DHRS4L2: variants seen among roughly 807,000 people sequenced by gnomAD.
DHRS4L2 encodes dehydrogenase/reductase 4 like 2.
A neutral mutation model predicts 23.9 loss-of-function variants in DHRS4L2; 22 were observed. That is an observed-to-expected ratio of 0.92 (90% CI 0.66 to 1.31). The LOEUF (loss-of-function observed/expected upper bound fraction) is 1.31. Among genes scored for constraint, DHRS4L2 ranks in the 40% most tolerant of loss-of-function variants. The pLI, the probability that DHRS4L2 is intolerant of heterozygous loss-of-function variation, is 0.00. For synonymous variants in DHRS4L2, 141 were observed against 123.7 expected (o/e 1.14, Z -0.93); for missense variants, 385 against 303.3 (o/e 1.27, Z -2.00).
At chr14:23,985,088 C>A (rs1383312973), upstream of DHRS4L2, among the ~76,000 whole-genome samples, 1 of 151,406 alleles carries the variant, frequency 6.6e-6, no homozygotes, top group African/African-American at 2.4e-5. Context: ...CAGTAGATAA[C>A]CTCAAGGAGC....
chr14:23,984,466 G>T (rs2034105383), upstream of DHRS4L2, among the ~76,000 whole-genome samples: 1 of 151,544 alleles, frequency 6.6e-6, no homozygotes, highest in Non-Finnish European at 1.5e-5. Flanking sequence ...GACAGTGGTT[G>T]AGGTTGTCAT....
At chr14:23,991,633 A>G (rs2034271548) in intron 2 of DHRS4L2, among the ~76,000 whole-genome samples, 1 of 151,620 alleles carries the variant, frequency 6.6e-6, no homozygotes, top group African/African-American at 2.4e-5. Flanking sequence ...GAGGAACTGA[A>G]GGAAAGAGAG....
chr14:23,972,807 A>T lies in DHRS4L2; in HGVS notation c.-176+2475A>T, dbSNP rs530576460. Among the ~76,000 whole-genome samples the T allele has an allele frequency of 2.0e-5, 3 of 152,082 alleles. No homozygotes were observed. In the South Asian group the frequency reaches 6.3e-4, roughly 32 times the overall value. ...AGGAATGTAGTAGGAGGGCAGGGTG[A>T]TAATAAGGAGAAGGTCAGCAACAAA... is the stretch of plus-strand genomic sequence containing the variant. On this transcript the variant is annotated intron_variant, in intron 1 of 5. Coordinates refer to the DHRS4L2 transcript ENST00000534993.
chr14:23,988,792 G>T (rs55774579), upstream of DHRS4L2: 5 of 1,401,830 alleles, frequency 3.6e-6, no homozygotes, highest in Admixed American at 5.8e-5. Context: ...GGCGACTGGC[G>T]GGCGGCGGGA....
At chr14:23,988,707 G>A (rs1054732670), upstream of DHRS4L2, 33 of 1,202,048 alleles carry the variant, frequency 2.7e-5, no homozygotes, top group Admixed American at 6.5e-5. Flanking sequence ...CAACTTGAAC[G>A]GAGAGCGCTT....
At chr14:23,976,978 T>C (rs1366602626) in intron 1 of DHRS4L2, among the ~76,000 whole-genome samples, 1 of 151,674 alleles carries the variant, frequency 6.6e-6, no homozygotes, top group East Asian at 1.9e-4. Flanking sequence ...GGGAGAGGGA[T>C]AGCATTAGGA....
chr14:23,998,476 T>A (rs1316637151), intron 3 of DHRS4L2, among the ~76,000 whole-genome samples: 1 of 150,610 alleles, frequency 6.6e-6, no homozygotes, highest in Non-Finnish European at 1.5e-5. Flanking sequence ...AATCTGTTGT[T>A]TGCTGTAGCC....
intron 1 of DHRS4L2, among the ~76,000 whole-genome samples, chr14:23,975,616 T>C (rs2033950772): frequency 6.6e-6 from 1 of 151,772 alleles, no homozygotes; most frequent in South Asian, 2.1e-4. Context: ...AGAGCCAGTA[T>C]AGCCAAGGAA....
At position 23,971,661 on chromosome 14, in the gene DHRS4L2, T is replaced by C. The variant is rs189605195; in HGVS notation, c.-176+1329T>C. ...GAAACCATACAAACCAGAAAAGAGT[T>C]GGGACCAATATTCAACATTCTGAAA... On this transcript the variant is annotated intron_variant, in intron 1 of 5. Coordinates refer to the DHRS4L2 transcript ENST00000534993. Among the ~76,000 whole-genome samples, 82 of 152,156 alleles carry C rather than the reference T, an allele frequency of 5.4e-4. 1 individual carries two copies. The South Asian group carries it at 0.012, about 23-fold the overall frequency.
Position 23,989,029 on chromosome 14 carries a change from G to A in DHRS4L2, c.82G>A (p.Asp28Asn), listed in dbSNP as rs773420590. The part of the protein sequence containing the change: ...RMASSRMTRR[D>N]PLTNKVALVT... ...GGCCAGCTCCAGGATGACCCGCCGG[G>A]ACCCGCTCACAAATAAGGTGGCCCT... Residue 28 changes from aspartate to asparagine, a missense_variant, in exon 1 of 8, where the codon GAC becomes AAC. Asp to Asn is a conservative substitution (Grantham distance 23). Transcript: ENST00000335125. The A allele has an allele frequency of 8.7e-6, 14 of 1,603,748 alleles. No homozygotes were observed. Among genetic ancestry groups the A allele is most frequent in the Admixed American group, 1.7e-5 (1 of 58,572 alleles).
At chr14:24,001,960 T>G (rs1365229149) in intron 6 of DHRS4L2, among the ~76,000 whole-genome samples, 13 of 20,824 alleles carry the variant, frequency 6.2e-4, no homozygotes, top group Non-Finnish European at 8.7e-4. Context: ...TCCTCTTCTT[T>G]TTTTTTTTTT....
chr14:23,973,672 A>T (rs1371304955), intron 1 of DHRS4L2, among the ~76,000 whole-genome samples: 2 of 151,942 alleles, frequency 1.3e-5, no homozygotes, highest in African/African-American at 4.8e-5. Flanking sequence ...ACATAATGGT[A>T]AGGGGATCAG....
chr14:23,987,793 T>C (rs1215308579), upstream of DHRS4L2, among the ~76,000 whole-genome samples: 1 of 151,856 alleles, frequency 6.6e-6, no homozygotes, highest in Non-Finnish European at 1.5e-5. Context: ...AACGCTGCCA[T>C]GAACCAGCAC....
At chr14:23,972,093 T>G (rs1333031789) in intron 1 of DHRS4L2, among the ~76,000 whole-genome samples, 2 of 152,044 alleles carry the variant, frequency 1.3e-5, no homozygotes, top group Non-Finnish European at 2.9e-5. Context: ...CCATCTCACA[T>G]GCAAAGACAC....
chr14:23,984,841 C>G (rs1341390202), upstream of DHRS4L2, among the ~76,000 whole-genome samples: 1 of 147,984 alleles, frequency 6.8e-6, no homozygotes, highest in Non-Finnish European at 1.5e-5. Flanking sequence ...TAAAATGCCA[C>G]AGTCCTTGGT....
intron 2 of DHRS4L2, among the ~76,000 whole-genome samples, chr14:23,993,742 G>C (rs2034317317): frequency 6.6e-6 from 1 of 151,708 alleles, no homozygotes; most frequent in Non-Finnish European, 1.5e-5. Context: ...CAGGTCAAAA[G>C]AGAGAGACAG....
intron 2 of DHRS4L2, among the ~76,000 whole-genome samples, chr14:23,992,536 C>T (rs1244805263): frequency 6.6e-6 from 1 of 151,230 alleles, no homozygotes; most frequent in Non-Finnish European, 1.5e-5. Context: ...CGAAGCTTCT[C>T]ACTGGTGTTG....
chr14:23,977,706 C>G (rs2033993545), intron 1 of DHRS4L2, among the ~76,000 whole-genome samples: 1 of 151,530 alleles, frequency 6.6e-6, no homozygotes, highest in Non-Finnish European at 1.5e-5. Flanking sequence ...TGTACAATGA[C>G]TAGAGAGAAT....
chr14:23,991,995 A>T (rs2034280201), intron 2 of DHRS4L2, among the ~76,000 whole-genome samples: 1 of 151,530 alleles, frequency 6.6e-6, no homozygotes, highest in South Asian at 2.1e-4. Context: ...TCGGCCTCTC[A>T]AAGTGCTGGG....
Sources: allele counts gnomAD v4.1 joint callset (sites outside exome capture counted in the v4.1 genomes callset), GRCh38; gene constraint gnomAD v4.1.1; transcripts MANE v1.5; gene names NCBI Gene and HGNC (gene_info 2026-07-23, HGNC 2026-07-21).